RNF34: variants seen among roughly 807,000 people sequenced by gnomAD.
RNF34 encodes ring finger protein 34.
Under a neutral mutation model 37.9 loss-of-function variants are expected in RNF34, and 12 were observed. The ratio of observed to expected loss-of-function variants is 0.32; its 90% CI spans 0.20 to 0.51. The LOEUF is 0.51. RNF34 is among the 20% of genes least tolerant of loss of function. The pLI, the probability that RNF34 is intolerant of heterozygous loss-of-function variation, is 0.97. For missense variants in RNF34, 362 were observed against 472.7 expected (o/e 0.77, Z 2.17); for synonymous variants, 155 against 177.2 (o/e 0.87, Z 1.00).
At chr12:121,420,836 G>A in intron 5 of RNF34, 58 bp downstream of exon 5, 1 of 1,363,162 alleles carries the variant, frequency 7.3e-7, no homozygotes, top group Non-Finnish European at 1.0e-6. Flanking sequence ...TTTAAAAACT[G>A]GGTTGTTTTT....
chr12:121,405,486 C>CT (rs1240818530), intron 1 of RNF34, among the ~76,000 whole-genome samples: 1 of 151,546 alleles, frequency 6.6e-6, no homozygotes, highest in Non-Finnish European at 1.5e-5. Flanking sequence ...TGTCTTCTTG[C>CT]TTTTTTTTTC....
chr12:121,420,544 G>T, intron 4 of RNF34, 33 bp from the exon 5 acceptor site: 1 of 1,607,520 alleles, frequency 6.2e-7, no homozygotes, highest in Non-Finnish European at 8.5e-7. Context: ...TGGACTTATG[G>T]GACCAGGGCT....
At chr12:121,415,447 C>G in intron 1 of RNF34, 3 of 188,354 alleles carry the variant, frequency 1.6e-5, no homozygotes, top group South Asian at 9.0e-5. Context: ...ATGGTGAAAC[C>G]CAATCTCTAC....
intron 1 of RNF34, among the ~76,000 whole-genome samples, chr12:121,410,809 G>A (rs1555281293): frequency 6.6e-6 from 1 of 152,170 alleles, no homozygotes; most frequent in Non-Finnish European, 1.5e-5. Flanking sequence ...AATTTTTCAG[G>A]ATTGCTTCTT....
In RNF34 at chr12:121,404,387, C is replaced by CTTTTTTT. The variant is rs782225104; in HGVS notation, c.6+4188_6+4194dup. ...CTCTTGTGTCTGGCTGTCATTTAAT[C>CTTTTTTT]TTTTTTTTTTTTTTTTTTTTTTTTT... On this transcript the variant is annotated intron_variant, in intron 1 of 5. Coordinates refer to ENST00000361234, the MANE Select transcript of RNF34 (RefSeq NM_025126.4). Among the ~76,000 whole-genome samples the CTTTTTTT allele has an allele frequency of 8.0e-3, 525 of 65,840 alleles. 8 individuals are homozygous for CTTTTTTT. The highest frequency in any genetic ancestry group is 9.2e-3 in the Non-Finnish European group (382 of 41,570). The allele number at this position is 65,840 out of a possible 152,430, so 43.2% of individuals were successfully genotyped here.
rs1871985354 is a variant in RNF34, at chr12:121,420,152, G to T, written c.634-90G>T. The stretch of plus-strand genomic sequence containing the variant: ...AGATGTGCATTATGCTGGCTTTCTG[G>T]TCATCATGGGGAGCATCAATGACAA... On this transcript the variant is annotated intron_variant, in intron 3 of 5. Coordinates refer to ENST00000361234, the MANE Select transcript of RNF34 (RefSeq NM_025126.4). The T allele has an allele frequency of 5.0e-6, 6 of 1,190,866 alleles. No homozygotes were observed. In the Admixed American group the frequency reaches 9.1e-5, roughly 18 times the overall value. 73.8% of individuals were successfully genotyped at this position (1,190,866 alleles called of 1,614,324 possible).
intron 1 of RNF34, among the ~76,000 whole-genome samples, chr12:121,406,588 G>C (rs1340392640): frequency 6.6e-6 from 1 of 152,168 alleles, no homozygotes; most frequent in African/African-American, 2.4e-5. Flanking sequence ...CGCCGGGCTG[G>C]TGTTAAGTTT....
intron 1 of RNF34, chr12:121,404,775 G>C (rs1291730753): frequency 1.3e-5 from 2 of 152,160 alleles, no homozygotes; most frequent in East Asian, 3.8e-4. Flanking sequence ...ATCATTAAAA[G>C]TTTAGGGTTG....
At chr12:121,410,107 T>A (rs782218789) in intron 1 of RNF34, among the ~76,000 whole-genome samples, 3 of 151,604 alleles carry the variant, frequency 2.0e-5, no homozygotes, top group Non-Finnish European at 4.4e-5. Flanking sequence ...TGAGCCAAGA[T>A]CGTGCCATCG....
rs563285897 is a variant in RNF34 at position 121,401,354 on chromosome 12, C to CAAAAAAAAAAAA, written c.6+1145_6+1156dup. 5.7e-3 allele frequency among the ~76,000 whole-genome samples: 434 copies of CAAAAAAAAAAAA among 76,690 alleles called. 27 individuals are homozygous for CAAAAAAAAAAAA. Among genetic ancestry groups the CAAAAAAAAAAAA allele is most frequent in the Middle Eastern group, 0.016 (2 of 124 alleles). The allele number at this position is 76,690 out of a possible 152,430, so 50.3% of individuals were successfully genotyped here. ...TTACAAGGCAGAAGGCTATAGGTAT[C>CAAAAAAAAAAAA]AAAAAAAAAAAAAAAAAAAAGGCAG... On this transcript the variant is annotated intron_variant, in intron 1 of 5. Coordinates refer to ENST00000361234, the MANE Select transcript of RNF34 (RefSeq NM_025126.4).
At position 121,400,124 on chromosome 12, in the gene RNF34, C is replaced by CTCT; in HGVS notation, c.-89_-88insTCT. On this transcript the variant is annotated 5_prime_UTR_variant, in exon 1 of 6. Coordinates refer to ENST00000361234, the MANE Select transcript of RNF34 (RefSeq NM_025126.4). ...TCGCCTCCCGGGGCGCGGTAATCAC[C>CTCT]GCCCAGAGGGAAGGAGGTCGGCAGT... is the stretch of plus-strand genomic sequence containing the variant. 6.8e-7 allele frequency: 1 copy of CTCT among 1,477,086 alleles called. No homozygotes were observed. The highest frequency in any genetic ancestry group is 2.5e-5 in the East Asian group (1 of 39,858). 91.5% of individuals were successfully genotyped at this position (1,477,086 alleles called of 1,614,324 possible). A position where few individuals can be genotyped will look rare whatever the true frequency, so the allele number is the denominator to read the frequency against.
At chr12:121,400,623 C>T (rs942806626) in intron 1 of RNF34, among the ~76,000 whole-genome samples, 4 of 152,198 alleles carry the variant, frequency 2.6e-5, no homozygotes, top group Non-Finnish European at 4.4e-5. Flanking sequence ...GTGTTGGGGA[C>T]ATCGTGGGAC....
At chr12:121,415,201 A>C in intron 1 of RNF34, 1 of 216,122 alleles carries the variant, frequency 4.6e-6, no homozygotes, top group South Asian at 5.4e-5. Flanking sequence ...GGTACAAAAA[A>C]ATCTAGAGAG....
At position 121,417,807 on chromosome 12, in the gene RNF34, C is replaced by T. The variant is rs782385808; in HGVS notation, c.529C>T (p.Arg177Cys). The T allele has an allele frequency of 8.7e-6, 14 of 1,613,990 alleles. No individual in the cohort carries two copies. The highest frequency in any genetic ancestry group is 5.5e-5 in the South Asian group (5 of 91,084). ...GTCCCAGACTTCTAGCTTTTTTACA[C>T]GTTCGTTTTTTTCAAACTATACAGC... ...SRSQTSSFFT[R>C]SFFSNYTAPS... The change falls in exon 3 of 6, where the codon CGT (arginine) becomes TGT (cysteine). Residue 177 changes from arginine (R) to cysteine (C), a missense_variant. Physicochemically the swap from Arg to Cys is radical, Grantham distance 180. Coordinates refer to ENST00000361234, the MANE Select transcript of RNF34 (RefSeq NM_025126.4). The surrounding 1 kb of genome is among the most constrained non-coding windows in gnomAD (Gnocchi z 5.0).
Position 121,414,821 on chromosome 12 carries a change from C to T in RNF34, c.7-1338C>T, listed in dbSNP as rs61079975. Among the ~76,000 whole-genome samples the T allele has an allele frequency of 5.7e-3, 875 of 152,288 alleles. 5 individuals carry two copies. Among genetic ancestry groups the T allele is most frequent in the African/African-American group, 0.02 (837 of 41,550 alleles). Reference sequence around the variant, plus strand: ...TCGCTGAAAGCTGGGAGGCTGGGCACGGTGGCTCATGCCTGTAATCCCAGC... The same window carrying T: ...TCGCTGAAAGCTGGGAGGCTGGGCATGGTGGCTCATGCCTGTAATCCCAGC... On this transcript the variant is annotated intron_variant, in intron 1 of 5. Transcript: ENST00000361234.
chr12:121,415,335 TA>T (rs1430917651), intron 1 of RNF34: 1 of 374,462 alleles, frequency 2.7e-6, no homozygotes, highest in Non-Finnish European at 5.8e-6. Context: ...AATTTAAATT[TA>T]TGGGCCTGGC....
chr12:121,406,573 C>T (rs1870557944), intron 1 of RNF34, among the ~76,000 whole-genome samples: 1 of 152,184 alleles, frequency 6.6e-6, no homozygotes, highest in African/African-American at 2.4e-5. Context: ...AGGCGTGAGC[C>T]ACCGCGCCGG....
intron 5 of RNF34, among the ~76,000 whole-genome samples, chr12:121,421,376 AAAAAAAAAAAAAAAAAAAAAAACC>A: frequency 7.1e-6 from 1 of 140,824 alleles, no homozygotes; most frequent in Admixed American, 7.0e-5. Context: ...ATCTCTAAAA[AAAAAAAAAAAAAAAAAAAAAAACC>A]AAAAAAACCT....
chr12:121,412,960 T>TCC (rs1871231727), intron 1 of RNF34, among the ~76,000 whole-genome samples: 2 of 150,876 alleles, frequency 1.3e-5, no homozygotes, highest in Admixed American at 6.6e-5. Context: ...CATGATCTGC[T>TCC]CCCCCACCTC....
Sources: allele counts gnomAD v4.1 joint callset (sites outside exome capture counted in the v4.1 genomes callset), GRCh38; gene constraint gnomAD v4.1.1; non-coding constraint Gnocchi (gnomAD v3.1); transcripts MANE v1.5; gene names NCBI Gene and HGNC (gene_info 2026-07-23, HGNC 2026-07-21).